Variants in ROR1 observed in about 807,000 individuals in gnomAD.
The protein encoded by ROR1 is ROR family WNT receptor 1.
ROR1 carries 19 observed loss-of-function variants against 78.8 expected under a neutral mutation model. The ratio of observed to expected loss-of-function variants is 0.24; its 90% CI spans 0.17 to 0.35. The LOEUF (loss-of-function observed/expected upper bound fraction) is 0.35. ROR1 is among the 10% of genes least tolerant of loss of function. The pLI, the probability that ROR1 is intolerant of heterozygous loss-of-function variation, is 1.00. For synonymous variants in ROR1, 386 were observed against 433.6 expected (o/e 0.89, Z 1.36); for missense variants, 917 against 1,177.8 (o/e 0.78, Z 3.24).
intron 7 of ROR1, among the ~76,000 whole-genome samples, chr1:64,151,274 G>T (rs992466906): frequency 6.6e-5 from 10 of 152,184 alleles, no homozygotes; most frequent in Non-Finnish European, 1.5e-4. Flanking sequence ...AGCACATGCT[G>T]TGGCCTTTGG....
At chr1:63,842,176 A>G (rs1295855637) in intron 1 of ROR1, among the ~76,000 whole-genome samples, 4 of 152,128 alleles carry the variant, frequency 2.6e-5, no homozygotes, top group Admixed American at 6.6e-5. Flanking sequence ...CCATTCACCA[A>G]TCCTACTGAT....
intron 1 of ROR1, among the ~76,000 whole-genome samples, chr1:63,919,935 G>A (rs1388494010): frequency 6.6e-6 from 1 of 152,122 alleles, no homozygotes; most frequent in African/African-American, 2.4e-5. Flanking sequence ...CCAAATATCC[G>A]CTTAGCAGAG....
intron 1 of ROR1, among the ~76,000 whole-genome samples, chr1:63,946,946 C>T (rs936297177): frequency 2.6e-5 from 4 of 152,198 alleles, no homozygotes; most frequent in Non-Finnish European, 5.9e-5. Context: ...ATACCTTTCA[C>T]AGTCAGGTTT....
At chr1:64,109,463 C>T (rs967053947) in intron 4 of ROR1, among the ~76,000 whole-genome samples, 1 of 152,100 alleles carries the variant, frequency 6.6e-6, no homozygotes, top group African/African-American at 2.4e-5. Flanking sequence ...TTGACTCAAG[C>T]CCTGAGCTCC....
At chr1:63,893,726 G>A (rs777074783) in intron 1 of ROR1, among the ~76,000 whole-genome samples, 2 of 152,166 alleles carry the variant, frequency 1.3e-5, no homozygotes, top group Non-Finnish European at 1.5e-5. Context: ...GGTAATCTCT[G>A]GATGGTGCTA....
At chr1:63,983,332 A>C (rs909370754) in intron 1 of ROR1, among the ~76,000 whole-genome samples, 2 of 152,230 alleles carry the variant, frequency 1.3e-5, no homozygotes, top group African/African-American at 4.8e-5. Flanking sequence ...GGCAGCTAGC[A>C]GCAAGTCCTC....
intron 1 of ROR1, among the ~76,000 whole-genome samples, chr1:63,989,673 C>T (rs1013267217): frequency 1.3e-5 from 2 of 152,142 alleles, no homozygotes; most frequent in Non-Finnish European, 2.9e-5. Flanking sequence ...TTGCTTTGGT[C>T]GAACACTCTG....
At chr1:63,838,878 A>G (rs1645033674) in intron 1 of ROR1, among the ~76,000 whole-genome samples, 1 of 152,134 alleles carries the variant, frequency 6.6e-6, no homozygotes, top group South Asian at 2.1e-4. Context: ...CATCTTTTAT[A>G]TGTTTAGGTA....
chr1:64,142,461 A>C lies in ROR1; in HGVS notation c.985A>C (p.Lys329Gln). ...VDYRGTVSVT[K>Q]SGRQCQPWNS... is the part of the protein sequence containing the mutation. The stretch of plus-strand genomic sequence containing the variant: ...CTACCGGGGGACCGTCAGTGTGACC[A>C]AATCAGGGCGCCAGTGCCAGCCATG... Residue 329 changes from lysine (K) to glutamine (Q), a missense_variant, in exon 7 of 9, where the codon AAA becomes CAA. Physicochemically the swap from Lys to Gln is moderately conservative, Grantham distance 53. Coordinates refer to ENST00000371079, the MANE Select transcript of ROR1 (RefSeq NM_005012.4). 6.2e-7 allele frequency: 1 copy of C among 1,614,174 alleles called. No individual in the cohort carries two copies. The highest frequency in any genetic ancestry group is 1.1e-5 in the South Asian group (1 of 91,082).
intron 4 of ROR1, among the ~76,000 whole-genome samples, chr1:64,130,226 C>T (rs1648864584): frequency 6.6e-6 from 1 of 152,128 alleles, no homozygotes; most frequent in Admixed American, 6.5e-5. Flanking sequence ...ATTCTCAACC[C>T]TATAGATTTA....
intron 4 of ROR1, among the ~76,000 whole-genome samples, chr1:64,060,824 G>A (rs556264341): frequency 1.3e-5 from 2 of 152,148 alleles, no homozygotes; most frequent in Non-Finnish European, 2.9e-5. Flanking sequence ...GTGGGGGAGC[G>A]AGTAAAATGT....
chr1:63,801,989 C>G (rs973794110), intron 1 of ROR1, among the ~76,000 whole-genome samples: 1 of 152,092 alleles, frequency 6.6e-6, no homozygotes. Flanking sequence ...CTTTTAGATA[C>G]GTATAATGCC....
At chr1:64,052,475 C>A (rs764175217) in intron 4 of ROR1, among the ~76,000 whole-genome samples, 8 of 152,114 alleles carry the variant, frequency 5.3e-5, no homozygotes, top group Non-Finnish European at 1.0e-4. Context: ...TTATATCCTT[C>A]TATGTTCTTC....
chr1:63,876,993 G>A (rs1355660110), intron 1 of ROR1, among the ~76,000 whole-genome samples: 2 of 152,042 alleles, frequency 1.3e-5, no homozygotes, highest in Non-Finnish European at 2.9e-5. Flanking sequence ...TATGCCATGT[G>A]CATTGTTTTT....
chr1:63,947,511 T>A (rs553119879), intron 1 of ROR1, among the ~76,000 whole-genome samples: 42 of 152,268 alleles, frequency 2.8e-4, no homozygotes, highest in South Asian at 1.9e-3. Flanking sequence ...GGGTCTGCAT[T>A]GAAGCCTGAG....
At chr1:64,132,145 A>T (rs1648933044) in intron 4 of ROR1, among the ~76,000 whole-genome samples, 1 of 152,184 alleles carries the variant, frequency 6.6e-6, no homozygotes, top group South Asian at 2.1e-4. Context: ...TATAAATGGG[A>T]TCATACAATA....
intron 4 of ROR1, among the ~76,000 whole-genome samples, chr1:64,071,690 T>C (rs115402981): frequency 0.042 from 6,354 of 152,028 alleles, 423 homozygotes; most frequent in African/African-American, 0.15. Flanking sequence ...CAGGAATGAG[T>C]GGCAACTGCG....
chr1:63,920,729 A>T (rs1453598680), intron 1 of ROR1, among the ~76,000 whole-genome samples: 1 of 152,252 alleles, frequency 6.6e-6, no homozygotes, highest in African/African-American at 2.4e-5. Context: ...CACTGGAATA[A>T]TTTTTTTATG....
In ROR1 at chr1:63,927,199, A is replaced by C. The variant is rs1212202646; in HGVS notation, c.92-82106A>C. 2.7e-4 allele frequency among the ~76,000 whole-genome samples: 18 copies of C among 66,360 alleles called. 1 individual carries two copies. The highest frequency in any genetic ancestry group is 6.3e-4 in the African/African-American group (18 of 28,768). 43.5% of individuals were successfully genotyped at this position (66,360 alleles called of 152,430 possible). On this transcript the variant is annotated intron_variant, in intron 1 of 8. Coordinates refer to ENST00000371079, the MANE Select transcript of ROR1 (RefSeq NM_005012.4). ...AATACGTCCCATCAATACCTAATTT[A>C]TTGAGAGTTTTTAGCATGAAGGGTT...
Sources: allele counts gnomAD v4.1 joint callset (sites outside exome capture counted in the v4.1 genomes callset), GRCh38; gene constraint gnomAD v4.1.1; transcripts MANE v1.5; gene names NCBI Gene and HGNC (gene_info 2026-07-23, HGNC 2026-07-21).